MTAP: variants seen among roughly 807,000 people sequenced by gnomAD.
MTAP encodes the protein methylthioadenosine phosphorylase.
Under a neutral mutation model 33.6 loss-of-function variants are expected in MTAP, and 33 were observed. The ratio of observed to expected loss-of-function variants is 0.98; its 90% CI spans 0.74 to 1.31. The LOEUF (loss-of-function observed/expected upper bound fraction) is 1.31, where lower values mean the gene tolerates loss of function less well. Ranked by LOEUF, MTAP falls within the 40% of genes most tolerant of loss-of-function variation. MTAP has a pLI of 0.00. For synonymous variants in MTAP, 148 were observed against 125.7 expected (o/e 1.18, Z -1.19); for missense variants, 367 against 360.0 (o/e 1.02, Z -0.16).
intron 1 of MTAP, among the ~76,000 whole-genome samples, chr9:21,882,653 T>C (rs1818033755): frequency 6.6e-6 from 1 of 152,046 alleles, no homozygotes; most frequent in African/African-American, 2.4e-5. Flanking sequence ...AAACGTTTTA[T>C]ATGCAATAAT....
intron 1 of MTAP, among the ~76,000 whole-genome samples, chr9:21,806,478 C>T (rs968506779): frequency 6.6e-6 from 1 of 151,972 alleles, no homozygotes; most frequent in African/African-American, 2.4e-5. Flanking sequence ...GTTAGGGGGC[C>T]AGAGGCTGGG....
intron 1 of MTAP, among the ~76,000 whole-genome samples, chr9:21,872,248 C>T (rs140526821): frequency 3.7e-4 from 57 of 152,256 alleles, no homozygotes; most frequent in Non-Finnish European, 2.1e-4. Context: ...ACCCAGAAGG[C>T]GGGAGGTTGC....
intron 5 of MTAP, among the ~76,000 whole-genome samples, chr9:21,843,636 T>C (rs1361573159): frequency 2.0e-5 from 3 of 152,208 alleles, no homozygotes; most frequent in Admixed American, 6.5e-5. Context: ...AATAATCTGC[T>C]CCTGAATGAT....
rs1825768689 is a variant in MTAP, at chr9:21,862,225, T to G, written c.*211T>G. Reference sequence around the variant, plus strand: ...AAAATACAGAAGAAAAGCAAATGACTAGTAAACATGTGGGAAAAAATATTA... The same window carrying G: ...AAAATACAGAAGAAAAGCAAATGACGAGTAAACATGTGGGAAAAAATATTA... On this transcript the variant is annotated 3_prime_UTR_variant, in exon 8 of 8. Coordinates refer to ENST00000644715, the MANE Select transcript of MTAP (RefSeq NM_002451.4). 8.1e-7 allele frequency: 1 copy of G among 1,229,388 alleles called. No homozygotes were observed. Among genetic ancestry groups the G allele is most frequent in the African/African-American group, 1.6e-5 (1 of 64,174 alleles). The allele number at this position is 1,229,388 out of a possible 1,614,324, so 76.2% of individuals were successfully genotyped here.
intron 5 of MTAP, among the ~76,000 whole-genome samples, chr9:21,840,248 C>T (rs1430360248): frequency 6.6e-6 from 1 of 151,360 alleles, no homozygotes; most frequent in African/African-American, 2.4e-5. Context: ...AAAGAAAAGA[C>T]AGGGCTAACG....
At chr9:21,844,635 G>A (rs1056178821) in intron 5 of MTAP, among the ~76,000 whole-genome samples, 1 of 152,154 alleles carries the variant, frequency 6.6e-6, no homozygotes, top group Admixed American at 6.5e-5. Context: ...AAATCACATG[G>A]TCATCTCAAT....
Position 21,859,308 on chromosome 9 carries a change from G to C in MTAP, c.696G>C (p.Ser232=). ...CAGTGCTATTGTTTCTCTAGGTTTCGGTGGACCGGGTCTTAAAGACCCTGA... is the reference window on the plus strand; with the variant it reads ...CAGTGCTATTGTTTCTCTAGGTTTCCGTGGACCGGGTCTTAAAGACCCTGA... The part of the protein sequence containing the change: ...DCWKEHEEAV[S]VDRVLKTLKE... The change falls in exon 7 of 8, where the codon TCG becomes TCC. Residue 232 remains serine, a synonymous_variant. Coordinates refer to ENST00000644715, the MANE Select transcript of MTAP (RefSeq NM_002451.4). 1 of 1,607,926 alleles carries C rather than the reference G, an allele frequency of 6.2e-7. No homozygotes were observed. The highest frequency in any genetic ancestry group is 1.1e-5 in the South Asian group (1 of 89,946).
At chr9:21,923,557 T>C (rs912411833) in intron 1 of MTAP, among the ~76,000 whole-genome samples, 22 of 152,232 alleles carry the variant, frequency 1.4e-4, no homozygotes, top group Non-Finnish European at 2.1e-4. Context: ...GTATTCCTCA[T>C]GCTTCCTCCC....
At chr9:21,841,178 AAC>A (rs1825234138) in intron 5 of MTAP, among the ~76,000 whole-genome samples, 1 of 152,104 alleles carries the variant, frequency 6.6e-6, no homozygotes, top group African/African-American at 2.4e-5. Context: ...CTGGTAGCCA[AAC>A]ACAAAATATT....
chr9:21,881,236 C>A (rs1241821266), intron 1 of MTAP, among the ~76,000 whole-genome samples: 10 of 151,952 alleles, frequency 6.6e-5, no homozygotes, highest in Admixed American at 3.3e-4. Context: ...ACTCTTACCA[C>A]CATACACAAA....
Position 21,802,925 on chromosome 9 carries a change from G to A in MTAP, c.33+144G>A, listed in dbSNP as rs375027155. The A allele has an allele frequency of 2.1e-5, 30 of 1,433,032 alleles. 1 individual carries two copies. Among genetic ancestry groups the A allele is most frequent in the East Asian group, 5.3e-5 (2 of 37,930 alleles). The allele number at this position is 1,433,032 out of a possible 1,614,324, so 88.8% of individuals were successfully genotyped here. A position where few individuals can be genotyped will look rare whatever the true frequency, so the allele number is the denominator to read the frequency against. ...GGGAGGGACTGGGGCGCGGCACTCG[G>A]GACTCACTTGCCGCGCGAGGAGAGG... On this transcript the variant is annotated intron_variant, in intron 1 of 7. Transcript: ENST00000644715.
intron 1 of MTAP, among the ~76,000 whole-genome samples, chr9:21,897,709 C>T (rs1230315588): frequency 1.3e-5 from 2 of 152,148 alleles, no homozygotes; most frequent in African/African-American, 4.8e-5. Context: ...GAACTAGAAA[C>T]CACTGCTCAA....
At chr9:21,930,156 A>G in intron 1 of MTAP, 1 of 383,696 alleles carries the variant, frequency 2.6e-6, no homozygotes, top group South Asian at 2.2e-5. Flanking sequence ...GAGTAAACTC[A>G]AAATTCTCTT....
intron 1 of MTAP, among the ~76,000 whole-genome samples, chr9:21,925,676 T>C (rs980855398): frequency 6.6e-6 from 1 of 152,150 alleles, no homozygotes; most frequent in Non-Finnish European, 1.5e-5. Flanking sequence ...CCACTGGAAA[T>C]GGAACTGCCC....
At chr9:21,891,938 A>G (rs1818207416) in intron 1 of MTAP, among the ~76,000 whole-genome samples, 1 of 152,200 alleles carries the variant, frequency 6.6e-6, no homozygotes, top group South Asian at 2.1e-4. Context: ...TTCAGCAGAA[A>G]CACTGTAAGC....
chr9:21,873,747 A>C (rs865907756), intron 1 of MTAP, among the ~76,000 whole-genome samples: 1 of 152,128 alleles, frequency 6.6e-6, no homozygotes, highest in Non-Finnish European at 1.5e-5. Flanking sequence ...TCAGCAATTT[A>C]AAAGGAACAG....
At chr9:21,912,727 CA>C (rs1262837674) in intron 1 of MTAP, among the ~76,000 whole-genome samples, 18 of 152,308 alleles carry the variant, frequency 1.2e-4, no homozygotes, top group Admixed American at 1.2e-3. Flanking sequence ...TGGCACAAGA[CA>C]GGGGTGCCCT....
At chr9:21,831,212 A>C (rs1464761992) in intron 4 of MTAP, among the ~76,000 whole-genome samples, 2 of 152,310 alleles carry the variant, frequency 1.3e-5, no homozygotes, top group Admixed American at 6.5e-5. Flanking sequence ...CAATTTCTAC[A>C]GTTGCTCTTC....
intron 1 of MTAP, among the ~76,000 whole-genome samples, chr9:21,874,663 A>G (rs1825979767): frequency 6.6e-6 from 1 of 150,888 alleles, no homozygotes; most frequent in Admixed American, 6.6e-5. Flanking sequence ...TCCCAGAAAA[A>G]CTAGTGAAAA....
Sources: gnomAD v4.1 joint callset for allele counts (sites outside exome capture counted in the v4.1 genomes callset) on GRCh38, gnomAD v4.1.1 for gene constraint, MANE v1.5 for transcripts, NCBI Gene and HGNC (gene_info 2026-07-23, HGNC 2026-07-21) for gene names.